HSD17B2: variants seen among roughly 807,000 people sequenced by gnomAD.
HSD17B2 encodes the protein 17-beta-hydroxysteroid dehydrogenase type 2.
In HSD17B2, 32 loss-of-function variants were observed where a neutral mutation model predicts 26.9. That is an observed-to-expected ratio of 1.19 (90% CI 0.90 to 1.60). The LOEUF (loss-of-function observed/expected upper bound fraction) is 1.60, where lower values mean the gene tolerates loss of function less well. Among genes scored for constraint, HSD17B2 ranks in the 40% most tolerant of loss-of-function variants. The pLI is 0.00. For synonymous variants in HSD17B2, 246 were observed against 186.7 expected (o/e 1.32, Z -2.59); for missense variants, 613 against 468.6 (o/e 1.31, Z -2.85).
intron 4 of HSD17B2, chr16:82,091,907 C>A (rs1228747051): frequency 6.6e-6 from 1 of 152,158 alleles, no homozygotes; most frequent in African/African-American, 2.4e-5. Context: ...GGGTTAGAAC[C>A]CTGGTCCCCT....
intron 1 of HSD17B2, among the ~76,000 whole-genome samples, chr16:82,065,149 G>A (rs1305327987): frequency 1.5e-4 from 23 of 152,184 alleles, no homozygotes; most frequent in Non-Finnish European, 2.9e-5. Flanking sequence ...GTGTTTGTGG[G>A]ATGCAAGGCC....
chr16:82,051,483 G>T (rs187265678), intron 1 of HSD17B2, among the ~76,000 whole-genome samples: 1 of 151,940 alleles, frequency 6.6e-6, no homozygotes, highest in African/African-American at 2.4e-5. Context: ...ACCAAGTACC[G>T]CATGTTCTCA....
chr16:82,090,196 T>C (rs917336163), intron 3 of HSD17B2: 2 of 977,258 alleles, frequency 2.0e-6, no homozygotes, highest in Admixed American at 6.3e-5. Flanking sequence ...TGGACCCTCC[T>C]CCCCACAAAA....
intron 1 of HSD17B2, among the ~76,000 whole-genome samples, chr16:82,053,515 G>A (rs887698087): frequency 2.6e-5 from 4 of 152,094 alleles, no homozygotes; most frequent in East Asian, 1.9e-4. Context: ...CCAATGATAC[G>A]TTTAGCAGGA....
intron 1 of HSD17B2, among the ~76,000 whole-genome samples, chr16:82,054,712 G>C (rs1348023942): frequency 6.6e-6 from 1 of 152,126 alleles, no homozygotes. Context: ...CAGAAATGTT[G>C]CTTTCTCTTC....
intron 2 of HSD17B2, 37 bp downstream of exon 2, chr16:82,068,419 T>G (rs754285388): frequency 6.5e-7 from 1 of 1,530,912 alleles, no homozygotes; most frequent in Middle Eastern, 2.3e-4. Flanking sequence ...TTTACCCTCC[T>G]CCTGAATGCC....
chr16:82,097,354 C>CATATATATGTGTGTGTATATATAT (rs1567595574), intron 4 of HSD17B2: 3 of 117,664 alleles, frequency 2.5e-5, no homozygotes, highest in African/African-American at 8.9e-5. Context: ...TATGTGTACA[C>CATATATATGTGTGTGTATATATAT]ACACACACAC....
Position 82,037,685 on chromosome 16 carries a change from G to T in HSD17B2, c.265+1996G>T, listed in dbSNP as rs72628277. 9.8e-3 allele frequency among the ~76,000 whole-genome samples: 1,494 copies of T among 152,190 alleles called. 39 individuals carry two copies. The highest frequency in any genetic ancestry group is 0.081 in the East Asian group (419 of 5,184). ...TTAAATATCAAAAGCAACAAAAAGG[G>T]TGATAATATATGGTACATCCTCTGG... On this transcript the variant is annotated intron_variant, in intron 1 of 4. Transcript: ENST00000199936.
intron 3 of HSD17B2, among the ~76,000 whole-genome samples, chr16:82,077,278 C>A (rs184848300): frequency 1.3e-5 from 2 of 152,070 alleles, no homozygotes; most frequent in Admixed American, 6.5e-5. Context: ...ACTACAGAGC[C>A]GTAGTAACCA....
intron 4 of HSD17B2, chr16:82,094,374 C>T (rs1355098137): frequency 2.0e-5 from 3 of 152,242 alleles, no homozygotes; most frequent in Admixed American, 2.0e-4. Flanking sequence ...TCTATGTATA[C>T]TCCAATCACC....
chr16:82,080,051 A>G (rs540199960), intron 3 of HSD17B2, among the ~76,000 whole-genome samples: 4 of 152,302 alleles, frequency 2.6e-5, no homozygotes, highest in Admixed American at 1.3e-4. Flanking sequence ...TCTGAGTGAC[A>G]AGAATTTTGG....
chr16:82,054,194 T>G (rs553946992), intron 1 of HSD17B2, among the ~76,000 whole-genome samples: 1 of 148,100 alleles, frequency 6.8e-6, no homozygotes, highest in South Asian at 2.1e-4. Context: ...TCACTTAACC[T>G]TAACCCACAT....
At chr16:82,090,794 A>G (rs1013119187) in intron 3 of HSD17B2, 108 bp from the exon 4 acceptor site, 1 of 1,100,194 alleles carries the variant, frequency 9.1e-7, no homozygotes, top group African/African-American at 1.6e-5. Flanking sequence ...TTGTCTGCCC[A>G]AGTCACTGAT....
intron 2 of HSD17B2, 75 bp downstream of exon 2, chr16:82,068,457 A>G: frequency 8.1e-7 from 1 of 1,236,264 alleles, no homozygotes; most frequent in Non-Finnish European, 1.1e-6. Flanking sequence ...TAGGCTGAAC[A>G]TGCCCCCCCA....
At chr16:82,075,991 T>C (rs1348235840) in intron 3 of HSD17B2, among the ~76,000 whole-genome samples, 1 of 149,988 alleles carries the variant, frequency 6.7e-6, no homozygotes, top group South Asian at 2.1e-4. Context: ...AAAATACTAG[T>C]AAACTGAATT....
chr16:82,056,787 A>G (rs1332780876), intron 1 of HSD17B2, among the ~76,000 whole-genome samples: 1 of 152,242 alleles, frequency 6.6e-6, no homozygotes, highest in African/African-American at 2.4e-5. Context: ...CAGGAAATAC[A>G]AACAAACAAA....
intron 1 of HSD17B2, among the ~76,000 whole-genome samples, chr16:82,048,696 G>A (rs770366259): frequency 2.6e-5 from 4 of 152,148 alleles, no homozygotes; most frequent in Admixed American, 6.5e-5. Context: ...TATAGACATC[G>A]CAGCTTTTGT....
intron 1 of HSD17B2, among the ~76,000 whole-genome samples, chr16:82,066,402 C>G (rs1249668256): frequency 1.3e-5 from 2 of 152,210 alleles, no homozygotes; most frequent in African/African-American, 4.8e-5. Context: ...GACTATCATT[C>G]TCTCTCTGGC....
At chr16:82,097,503 C>T (rs1479151714) in intron 4 of HSD17B2, 1 of 151,980 alleles carries the variant, frequency 6.6e-6, no homozygotes, top group Non-Finnish European at 1.5e-5. Flanking sequence ...AGGTATGAGC[C>T]ACGGTGCCCA....
Sources: gnomAD v4.1 joint callset for allele counts (sites outside exome capture counted in the v4.1 genomes callset) on GRCh38, gnomAD v4.1.1 for gene constraint, MANE v1.5 for transcripts, NCBI Gene and HGNC (gene_info 2026-07-23, HGNC 2026-07-21) for gene names.